The following COL28A1 variants were observed in gnomAD, a reference collection of about 807,000 sequenced individuals.
COL28A1 encodes the protein collagen type XXVIII alpha 1 chain.
Under a neutral mutation model 150.2 loss-of-function variants are expected in COL28A1, and 161 were observed. The ratio of observed to expected loss-of-function variants is 1.07; its 90% CI spans 0.94 to 1.22. The LOEUF (loss-of-function observed/expected upper bound fraction) is 1.22. COL28A1 is among the 50% of genes most tolerant of loss of function. The pLI, the probability that COL28A1 is intolerant of heterozygous loss-of-function variation, is 0.00. For synonymous variants in COL28A1, 552 were observed against 469.7 expected (o/e 1.18, Z -2.26); for missense variants, 1,617 against 1,388.3 (o/e 1.16, Z -2.62).
chr7:7,373,600 G>A lies in COL28A1; in HGVS notation c.2360-54C>T. On this transcript the variant is annotated intron_variant, in intron 31 of 34. Transcript: ENST00000399429. The surrounding 1 kb of genome is among the most constrained non-coding windows in gnomAD (Gnocchi z 4.1). ...TTGTGGGAATGATTGACATCAGATTGTTGAGGGGAGGGGAGAAAAAGTCAA... is the reference window on the plus strand; with the variant it reads ...TTGTGGGAATGATTGACATCAGATTATTGAGGGGAGGGGAGAAAAAGTCAA... 1.4e-6 allele frequency: 2 copies of A among 1,456,018 alleles called. No individual in the cohort carries two copies. Among genetic ancestry groups the A allele is most frequent in the East Asian group, 2.3e-5 (1 of 43,990 alleles). 90.2% of individuals were successfully genotyped at this position (1,456,018 alleles called of 1,614,324 possible).
chr7:7,393,831 G>C (rs1167670961), intron 27 of COL28A1, among the ~76,000 whole-genome samples: 1 of 152,190 alleles, frequency 6.6e-6, no homozygotes, highest in Admixed American at 6.5e-5. Flanking sequence ...CTGGCAGTGA[G>C]AATTTCAAGC....
chr7:7,493,150 G>T (rs1419352921), intron 11 of COL28A1, among the ~76,000 whole-genome samples: 1 of 150,766 alleles, frequency 6.6e-6, no homozygotes, highest in African/African-American at 2.4e-5. Flanking sequence ...AACAATACAA[G>T]GCCCTAAATT....
chr7:7,398,116 A>T (rs1350575999), intron 27 of COL28A1, among the ~76,000 whole-genome samples: 5 of 152,194 alleles, frequency 3.3e-5, no homozygotes, highest in Admixed American at 3.3e-4. Flanking sequence ...ACAGGGTAGA[A>T]ATTTGTTTTA....
intron 27 of COL28A1, among the ~76,000 whole-genome samples, chr7:7,414,022 G>A (rs555616721): frequency 2.6e-5 from 4 of 152,236 alleles, no homozygotes; most frequent in South Asian, 2.1e-4. Flanking sequence ...ACACTGGAAC[G>A]GACTTAAACA....
chr7:7,532,284 T>C (rs555311964), intron 2 of COL28A1, among the ~76,000 whole-genome samples: 10 of 152,236 alleles, frequency 6.6e-5, no homozygotes, highest in African/African-American at 2.2e-4. Flanking sequence ...TGTGTCATAT[T>C]GGTGAGTCCC....
At chr7:7,343,728 C>A in the COL28A1 span, among the ~76,000 whole-genome samples, 1 of 151,972 alleles carries the variant, frequency 6.6e-6, no homozygotes, top group Non-Finnish European at 1.5e-5. Context: ...CATTTATGGG[C>A]CAACTGCTGT....
chr7:7,455,085 G>C (rs1484940474), intron 16 of COL28A1, among the ~76,000 whole-genome samples: 1 of 152,062 alleles, frequency 6.6e-6, no homozygotes, highest in African/African-American at 2.4e-5. Flanking sequence ...AATGACACCG[G>C]AATTATCTCA....
chr7:7,373,163 G>T lies in COL28A1; in HGVS notation c.2743C>A (p.Leu915Met). ...GQTDSRDKEKLTEVVKNASDT... is the reference protein window; with the variant it reads ...GQTDSRDKEKMTEVVKNASDT... ...CTGGCATTCTTCACCACCTCTGTCA[G>T]TTTCTCTTTATCACGAGAATCTGTC... The change falls in exon 32 of 35, where the codon CTG becomes ATG. Residue 915 changes from leucine (L) to methionine (M), a missense_variant. Physicochemically the swap from Leu to Met is conservative, Grantham distance 15. Transcript: ENST00000399429. The surrounding 1 kb of genome is among the most constrained non-coding windows in gnomAD (Gnocchi z 4.1). 6.2e-7 allele frequency: 1 copy of T among 1,614,180 alleles called. No homozygotes were observed.
intron 25 of COL28A1, among the ~76,000 whole-genome samples, chr7:7,426,226 G>T (rs995401081): frequency 6.6e-6 from 1 of 152,210 alleles, no homozygotes; most frequent in African/African-American, 2.4e-5. Flanking sequence ...TAAGGTAGAA[G>T]TCAAAGTGAT....
chr7:7,343,870 T>C, the COL28A1 span, among the ~76,000 whole-genome samples: 8 of 151,948 alleles, frequency 5.3e-5, no homozygotes, highest in Admixed American at 5.3e-4. Context: ...TAGTTGGACA[T>C]GGTGGTACAT....
chr7:7,504,196 T>C (rs2115108707), intron 11 of COL28A1, among the ~76,000 whole-genome samples: 1 of 152,288 alleles, frequency 6.6e-6, no homozygotes, highest in African/African-American at 2.4e-5. Context: ...GTGATAACAC[T>C]ATTAGACATA....
intron 8 of COL28A1, chr7:7,511,769 G>T (rs1583540307): frequency 2.1e-6 from 1 of 470,998 alleles, no homozygotes; most frequent in African/African-American, 2.0e-5. Flanking sequence ...TGCTGTAGGA[G>T]AGCCGGGCTT....
intron 14 of COL28A1, among the ~76,000 whole-genome samples, chr7:7,475,502 A>T (rs981237376): frequency 6.6e-6 from 1 of 152,172 alleles, no homozygotes; most frequent in Non-Finnish European, 1.5e-5. Context: ...TCTTTCTTTG[A>T]TGAGATAGAG....
intron 8 of COL28A1, among the ~76,000 whole-genome samples, chr7:7,514,967 A>G (rs965606208): frequency 2.0e-5 from 3 of 152,158 alleles, no homozygotes; most frequent in Non-Finnish European, 4.4e-5. Flanking sequence ...TGGCTACCCA[A>G]TGCATGATCC....
chr7:7,503,744 T>C (rs2115106308), intron 11 of COL28A1, among the ~76,000 whole-genome samples: 1 of 152,140 alleles, frequency 6.6e-6, no homozygotes, highest in South Asian at 2.1e-4. Context: ...CAAAGAGCAG[T>C]AGAAATTATA....
intron 13 of COL28A1, among the ~76,000 whole-genome samples, chr7:7,485,222 T>C (rs1444223530): frequency 6.6e-6 from 1 of 152,200 alleles, no homozygotes; most frequent in Non-Finnish European, 1.5e-5. Flanking sequence ...TACACATATA[T>C]AGATATATAC....
chr7:7,419,835 G>A, intron 26 of COL28A1, 50 bp downstream of exon 26: 5 of 1,223,038 alleles, frequency 4.1e-6, no homozygotes, highest in Non-Finnish European at 5.6e-6. Flanking sequence ...TCACTTGTTT[G>A]TCACTGATGA....
intron 15 of COL28A1, among the ~76,000 whole-genome samples, chr7:7,471,900 A>C (rs1438134150): frequency 2.0e-5 from 3 of 152,182 alleles, no homozygotes; most frequent in African/African-American, 7.2e-5. Context: ...GCCTCAAAAA[A>C]ACAAAACAAG....
At chr7:7,376,026 C>T (rs187568133) in intron 30 of COL28A1, among the ~76,000 whole-genome samples, 3 of 152,290 alleles carry the variant, frequency 2.0e-5, no homozygotes, top group East Asian at 1.9e-4. Flanking sequence ...CTTCTTAACA[C>T]CCTCACTTTG....
Sources: allele counts gnomAD v4.1 joint callset (sites outside exome capture counted in the v4.1 genomes callset), GRCh38; gene constraint gnomAD v4.1.1; non-coding constraint Gnocchi (gnomAD v3.1); transcripts MANE v1.5; gene names NCBI Gene and HGNC (gene_info 2026-07-23, HGNC 2026-07-21).